The following RSPO4 variants were observed in gnomAD, a reference collection of about 807,000 sequenced individuals.
RSPO4 encodes the protein R-spondin 4.
Under a neutral mutation model 24.8 loss-of-function variants are expected in RSPO4, and 23 were observed. The ratio of observed to expected loss-of-function variants is 0.93; its 90% CI spans 0.67 to 1.31. The LOEUF is 1.31. Among genes scored for constraint, RSPO4 ranks in the 40% most tolerant of loss-of-function variants. RSPO4 has a pLI of 0.00. For synonymous variants in RSPO4, 141 were observed against 127.4 expected (o/e 1.11, Z -0.72); for missense variants, 333 against 316.5 (o/e 1.05, Z -0.39).
intron 1 of RSPO4, among the ~76,000 whole-genome samples, chr20:1,000,479 T>C (rs1012491232): frequency 1.3e-5 from 2 of 152,334 alleles, no homozygotes; most frequent in Non-Finnish European, 2.9e-5. Flanking sequence ...CTACTCATCT[T>C]GCCCACAATC....
At chr20:1,001,666 G>A (rs887085960) in intron 1 of RSPO4, among the ~76,000 whole-genome samples, 1 of 152,156 alleles carries the variant, frequency 6.6e-6, no homozygotes, top group Non-Finnish European at 1.5e-5. Context: ...TGGGGCCTCT[G>A]GACGCCCAGC....
chr20:983,214 C>T (rs779204926), intron 1 of RSPO4, among the ~76,000 whole-genome samples: 1 of 152,150 alleles, frequency 6.6e-6, no homozygotes, highest in Admixed American at 6.5e-5. Flanking sequence ...TCCTGTCCCA[C>T]CTTGGACTCA....
At chr20:984,772 C>T (rs751975598) in intron 1 of RSPO4, among the ~76,000 whole-genome samples, 4 of 152,192 alleles carry the variant, frequency 2.6e-5, no homozygotes, top group South Asian at 2.1e-4. Context: ...GTCTCCCTGT[C>T]TCTGGGCTTC....
chr20:968,034 C>T lies in RSPO4; in HGVS notation c.184G>A (p.Gly62Ser), dbSNP rs372674964. ...AGGCACTTGCCGTACTGGCGGATGC[C>T]TTCCCGGCGGATGAACAGGAAGAGC... ...QRLFLFIRRE[G>S]IRQYGKCLHD... Residue 62 changes from glycine to serine, a missense_variant, in exon 2 of 5, where the codon GGC (glycine) becomes AGC (serine). Coordinates refer to ENST00000217260, the MANE Select transcript of RSPO4 (RefSeq NM_001029871.4). 4.2e-5 allele frequency: 68 copies of T among 1,614,240 alleles called. No homozygotes were observed. The African/African-American group carries it at 9.1e-4, about 22-fold the overall frequency.
chr20:975,671 A>C (rs1641159469), intron 1 of RSPO4, among the ~76,000 whole-genome samples: 1 of 152,210 alleles, frequency 6.6e-6, no homozygotes, highest in South Asian at 2.1e-4. Context: ...GCATTAACCC[A>C]GGGTTGAGTG....
At chr20:986,325 A>G (rs1984920211) in intron 1 of RSPO4, among the ~76,000 whole-genome samples, 1 of 152,170 alleles carries the variant, frequency 6.6e-6, no homozygotes, top group African/African-American at 2.4e-5. Flanking sequence ...TGTGGAGGCC[A>G]CAGCAGCATC....
At chr20:1,001,820 G>T (rs1985473604) in intron 1 of RSPO4, among the ~76,000 whole-genome samples, 2 of 152,156 alleles carry the variant, frequency 1.3e-5, no homozygotes, top group Admixed American at 1.3e-4. Context: ...CCTTTCTGCT[G>T]ACCATGCGGC....
intron 1 of RSPO4, among the ~76,000 whole-genome samples, chr20:992,953 C>T (rs1050731148): frequency 2.0e-5 from 3 of 152,220 alleles, no homozygotes; most frequent in Admixed American, 1.3e-4. Context: ...CTGCCAAGCC[C>T]CCAGTGCTCA....
chr20:994,872 T>C (rs1007942286), intron 1 of RSPO4, among the ~76,000 whole-genome samples: 1 of 152,098 alleles, frequency 6.6e-6, no homozygotes, highest in Non-Finnish European at 1.5e-5. Context: ...CTCCATCCTG[T>C]CTTCTGACAT....
chr20:998,985 C>CTTT (rs537819758), intron 1 of RSPO4, among the ~76,000 whole-genome samples: 2 of 131,840 alleles, frequency 1.5e-5, no homozygotes, highest in Non-Finnish European at 3.2e-5. Context: ...CTCTCGCTCT[C>CTTT]TTTTTTTTTT....
Position 1,002,150 on chromosome 20 carries a change from G to T in RSPO4, c.15C>A (p.Leu5=). The part of the protein sequence containing the change: MRAP[L]CLLLLVAHAV... ...CGTGGGCGACGAGCAGGAGCAGGCA[G>T]AGTGGCGCCCGCATCTGGGCAGCCG... Residue 5 remains leucine, a synonymous_variant, in exon 1 of 5, where the codon CTC becomes CTA. Transcript: ENST00000217260. The surrounding 1 kb of genome is among the most constrained non-coding windows in gnomAD (Gnocchi z 4.6). The T allele has an allele frequency of 6.4e-7, 1 of 1,558,130 alleles. No homozygotes were observed.
chr20:964,121 C>T lies in RSPO4; in HGVS notation c.410-1G>A. ...CCCCAGGGACCCAGTTCACACTCCC[C>T]TGTGGGGTGAAAGGAGAGACAGACA... On this transcript the variant is annotated splice_acceptor_variant, in intron 3 of 4. Coordinates refer to ENST00000217260, the MANE Select transcript of RSPO4 (RefSeq NM_001029871.4). LOFTEE classifies it high-confidence loss of function. 6.2e-7 allele frequency: 1 copy of T among 1,607,864 alleles called. No homozygotes were observed. The highest frequency in any genetic ancestry group is 1.1e-5 in the South Asian group (1 of 90,800).
intron 1 of RSPO4, among the ~76,000 whole-genome samples, chr20:991,934 A>G (rs1040433242): frequency 3.3e-5 from 5 of 152,180 alleles, no homozygotes; most frequent in Non-Finnish European, 7.3e-5. Flanking sequence ...TGCTAGATGG[A>G]TGCTGATGAT....
At position 986,722 on chromosome 20, in the gene RSPO4, T is replaced by C. The variant is rs1600098564; in HGVS notation, c.79+15364A>G. On this transcript the variant is annotated intron_variant, in intron 1 of 4. Coordinates refer to ENST00000217260, the MANE Select transcript of RSPO4 (RefSeq NM_001029871.4). ...CTCTGTTACAACTTCAGTATCATCA[T>C]TAAGCCAGTTACACACAAAGTAAGC... 3.3e-5 allele frequency among the ~76,000 whole-genome samples: 5 copies of C among 151,406 alleles called. No individual in the cohort carries two copies. In the Middle Eastern group the frequency reaches 0.017, roughly 515 times the overall value.
rs749652680 is a variant in RSPO4 at position 981,984 on chromosome 20, A to G, written c.80-13846T>C. On this transcript the variant is annotated intron_variant, in intron 1 of 4. Transcript: ENST00000217260. This position sits in a 1 kb window ranked among gnomAD's most constrained non-coding sequence, Gnocchi z 4.6. ...TCTGCCCTCCATTAGCTACTCATTA[A>G]GAGAAGTTACATTTGTGTTTCTGGT... is the stretch of plus-strand genomic sequence containing the variant. Among the ~76,000 whole-genome samples, 2 of 152,192 alleles carry G rather than the reference A, an allele frequency of 1.3e-5. No homozygotes were observed. The highest frequency in any genetic ancestry group is 4.8e-5 in the African/African-American group (2 of 41,456).
intron 1 of RSPO4, among the ~76,000 whole-genome samples, chr20:969,516 T>G (rs560146544): frequency 5.9e-5 from 9 of 152,246 alleles, no homozygotes; most frequent in African/African-American, 2.2e-4. Context: ...TCTGCCCCCT[T>G]CCCATTCCTC....
chr20:971,147 T>C (rs967246466), intron 1 of RSPO4, among the ~76,000 whole-genome samples: 1 of 152,234 alleles, frequency 6.6e-6, no homozygotes, highest in African/African-American at 2.4e-5. Context: ...TGGCCTGATG[T>C]CTCTTCTAAA....
chr20:967,878 GA>G (rs1274755850), intron 2 of RSPO4, 71 bp downstream of exon 2: 1 of 1,407,442 alleles, frequency 7.1e-7, no homozygotes, highest in Non-Finnish European at 1.0e-6. Flanking sequence ...GTGCTGGGGT[GA>G]AAGGGTGGGA....
rs1018461 is a variant in RSPO4 at position 976,809 on chromosome 20, A to T, written c.80-8671T>A. ...AAGCCTAGCCCCATACATTTTTTTT[A>T]AAAAAAACAAGACTAATTTGGATAG... is the stretch of plus-strand genomic sequence containing the variant. On this transcript the variant is annotated intron_variant, in intron 1 of 4. Coordinates refer to ENST00000217260, the MANE Select transcript of RSPO4 (RefSeq NM_001029871.4). Among the ~76,000 whole-genome samples, 66 of 151,194 alleles carry T rather than the reference A, an allele frequency of 4.4e-4. No homozygotes were observed. The East Asian group carries it at 7.3e-3, about 17-fold the overall frequency.
Sources: gnomAD v4.1 joint callset for allele counts (sites outside exome capture counted in the v4.1 genomes callset) on GRCh38, gnomAD v4.1.1 for gene constraint, Gnocchi (gnomAD v3.1) non-coding constraint, MANE v1.5 for transcripts, NCBI Gene and HGNC (gene_info 2026-07-23, HGNC 2026-07-21) for gene names.